The following ERICH1 variants were observed in gnomAD, a reference collection of about 807,000 sequenced individuals.
ERICH1 encodes the protein glutamate-rich protein 1.
Under a neutral mutation model 39.6 loss-of-function variants are expected in ERICH1, and 56 were observed. The observed-to-expected ratio is 1.41, with a 90% confidence interval of 1.14 to 1.77. ERICH1 has a LOEUF of 1.77. ERICH1 is among the 40% of genes most tolerant of loss of function. The pLI, the probability that ERICH1 is intolerant of heterozygous loss-of-function variation, is 0.00. For synonymous variants in ERICH1, 313 were observed against 223.6 expected (o/e 1.40, Z -3.57); for missense variants, 826 against 575.4 (o/e 1.44, Z -4.45).
At chr8:638,596 T>C (rs13272355) in intron 3 of ERICH1, among the ~76,000 whole-genome samples, 33,072 of 152,030 alleles carry the variant, frequency 0.22, 3,756 homozygotes, top group Middle Eastern at 0.33. Context: ...TTAAATACAG[T>C]GAAACTGTCT....
intron 1 of ERICH1, among the ~76,000 whole-genome samples, chr8:719,789 T>C (rs969585603): frequency 1.3e-5 from 2 of 152,168 alleles, no homozygotes; most frequent in Non-Finnish European, 2.9e-5. Flanking sequence ...TAAGGACTCG[T>C]AGATGTTTCA....
At chr8:635,972 A>C (rs1798407047) in intron 3 of ERICH1, among the ~76,000 whole-genome samples, 1 of 152,224 alleles carries the variant, frequency 6.6e-6, no homozygotes. Flanking sequence ...CCAGGGCGAG[A>C]AGGCCTCCGC....
At position 673,987 on chromosome 8, in the gene ERICH1, T is replaced by G. The variant is rs200302278; in HGVS notation, c.365A>C (p.Lys122Thr). The G allele has an allele frequency of 2.5e-6, 4 of 1,588,262 alleles. No individual in the cohort carries two copies. Among genetic ancestry groups the G allele is most frequent in the Non-Finnish European group, 3.4e-6 (4 of 1,174,984 alleles). Residue 122 changes from lysine to threonine, a missense_variant, in exon 4 of 6, where the codon AAA (lysine) becomes ACA (threonine). Coordinates refer to ENST00000262109, the MANE Select transcript of ERICH1 (RefSeq NM_207332.3). Reference sequence around the variant, plus strand: ...AAGAACATTATTGGGATTTTTAAATTTTTTCTTTGATTTATGCTTCCTAAT... The same window carrying G: ...AAGAACATTATTGGGATTTTTAAATGTTTTCTTTGATTTATGCTTCCTAAT... The part of the protein sequence containing the change: ...RRIRKHKSKK[K>T]FKNPNNVLIE...
At chr8:633,086 A>G (rs1315187510) in intron 3 of ERICH1, among the ~76,000 whole-genome samples, 3 of 152,098 alleles carry the variant, frequency 2.0e-5, no homozygotes, top group African/African-American at 7.2e-5. Flanking sequence ...CGCCCAGGAC[A>G]GACGGAAACC....
chr8:644,091 T>C (rs1799327538), intron 3 of ERICH1, among the ~76,000 whole-genome samples: 1 of 152,128 alleles, frequency 6.6e-6, no homozygotes, highest in Non-Finnish European at 1.5e-5. Context: ...GGGGAAGGTG[T>C]CTGCTATCTT....
At chr8:635,116 C>T (rs1798322844) in intron 3 of ERICH1, among the ~76,000 whole-genome samples, 1 of 151,928 alleles carries the variant, frequency 6.6e-6, no homozygotes, top group Non-Finnish European at 1.5e-5. Context: ...AAAAAAAGCA[C>T]CTCACCAGGA....
chr8:631,172 C>T (rs914299406), intron 3 of ERICH1, among the ~76,000 whole-genome samples: 2 of 152,260 alleles, frequency 1.3e-5, no homozygotes, highest in South Asian at 2.1e-4. Context: ...CTGGACATGG[C>T]CTGAAGCTTG....
chr8:689,284 A>G (rs1303097736), intron 3 of ERICH1, among the ~76,000 whole-genome samples: 1 of 152,098 alleles, frequency 6.6e-6, no homozygotes, highest in East Asian at 1.9e-4. Context: ...GCTAATTTTT[A>G]TATTTTAGTA....
chr8:678,875 C>T (rs1050070262), intron 3 of ERICH1, among the ~76,000 whole-genome samples: 23 of 152,126 alleles, frequency 1.5e-4, no homozygotes, highest in African/African-American at 5.6e-4. Context: ...GATAATGACC[C>T]CTGACGACTC....
intron 1 of ERICH1, among the ~76,000 whole-genome samples, chr8:722,730 G>A (rs1817614666): frequency 6.6e-6 from 1 of 152,206 alleles, no homozygotes; most frequent in African/African-American, 2.4e-5. Flanking sequence ...ATAAACTGGT[G>A]TCTGTTGGAA....
intron 3 of ERICH1, among the ~76,000 whole-genome samples, chr8:632,458 A>T (rs1366245251): frequency 6.6e-6 from 1 of 152,262 alleles, no homozygotes; most frequent in African/African-American, 2.4e-5. Flanking sequence ...AAAAAAATGT[A>T]TGCAGCTCTA....
intron 3 of ERICH1, chr8:637,678 G>C (rs1798548912): frequency 6.6e-6 from 1 of 152,332 alleles, no homozygotes; most frequent in Non-Finnish European, 1.5e-5. Flanking sequence ...GAACCTAGTG[G>C]GGTAGGGCAA....
chr8:650,978 T>A (rs1799871446), intron 3 of ERICH1, among the ~76,000 whole-genome samples: 1 of 152,144 alleles, frequency 6.6e-6, no homozygotes, highest in African/African-American at 2.4e-5. Flanking sequence ...CAGATACGAA[T>A]CACCGAAGCC....
chr8:725,792 C>T (rs1187490121), intron 1 of ERICH1: 3 of 152,710 alleles, frequency 2.0e-5, no homozygotes, highest in Non-Finnish European at 4.4e-5. Context: ...TGGCACGGCG[C>T]CTCTTCCTTT....
At chr8:699,272 G>T (rs1006040299) in intron 2 of ERICH1, among the ~76,000 whole-genome samples, 1 of 152,148 alleles carries the variant, frequency 6.6e-6, no homozygotes, top group Non-Finnish European at 1.5e-5. Context: ...ATGGATAACT[G>T]GCAAAATGCT....
chr8:704,268 T>C (rs1428489269), intron 2 of ERICH1, among the ~76,000 whole-genome samples: 1 of 152,066 alleles, frequency 6.6e-6, no homozygotes, highest in Non-Finnish European at 1.5e-5. Flanking sequence ...ATGAAAAGAC[T>C]GAGGCCCAGG....
chr8:715,386 G>A (rs1815673637), intron 2 of ERICH1, among the ~76,000 whole-genome samples: 3 of 152,226 alleles, frequency 2.0e-5, no homozygotes, highest in Admixed American at 2.0e-4. Context: ...TCTCATGGCA[G>A]ATGATCCTGC....
At chr8:621,258 C>T (rs749605419) in intron 3 of ERICH1, among the ~76,000 whole-genome samples, 1 of 152,106 alleles carries the variant, frequency 6.6e-6, no homozygotes, top group East Asian at 1.9e-4. Flanking sequence ...TATTTATAGA[C>T]TGCAGCTAAA....
chr8:628,850 C>CT (rs1797747600), intron 3 of ERICH1, among the ~76,000 whole-genome samples: 1 of 152,184 alleles, frequency 6.6e-6, no homozygotes. Context: ...AACAAGCCCC[C>CT]TCTCCCAGCT....
Sources: allele counts gnomAD v4.1 joint callset (sites outside exome capture counted in the v4.1 genomes callset), GRCh38; gene constraint gnomAD v4.1.1; transcripts MANE v1.5; gene names NCBI Gene and HGNC (gene_info 2026-07-23, HGNC 2026-07-21).